BOLL: variants seen among roughly 807,000 people sequenced by gnomAD.
BOLL encodes the protein protein boule-like.
Under a neutral mutation model 44.4 loss-of-function variants are expected in BOLL, and 23 were observed. The observed-to-expected ratio is 0.52, with a 90% CI of 0.37 to 0.73. BOLL has a LOEUF of 0.73. Among genes scored for constraint, BOLL ranks in the 30% least tolerant of loss-of-function variants. The pLI is 0.00. For missense variants in BOLL, 287 were observed against 338.3 expected, an observed-to-expected ratio of 0.85 and a Z score of 1.19; for synonymous variants, 97 against 110.8, an observed-to-expected ratio of 0.88 and a Z score of 0.78.
intron 10 of BOLL, among the ~76,000 whole-genome samples, chr2:197,732,221 A>G (rs1239440172): frequency 6.6e-6 from 1 of 152,048 alleles, no homozygotes; most frequent in Admixed American, 6.5e-5. Context: ...AGAAATGGAT[A>G]AATTTCTCGA....
chr2:197,773,674 A>G (rs1267006795), intron 5 of BOLL, among the ~76,000 whole-genome samples: 5 of 152,004 alleles, frequency 3.3e-5, no homozygotes, highest in African/African-American at 1.2e-4. Flanking sequence ...TTAGATTCTG[A>G]GAACAGGAGT....
intron 10 of BOLL, among the ~76,000 whole-genome samples, chr2:197,740,961 A>C (rs932666169): frequency 2.0e-5 from 3 of 152,084 alleles, no homozygotes; most frequent in Non-Finnish European, 4.4e-5. Context: ...CTTGGCAATG[A>C]GGGCTCTTTT....
intron 9 of BOLL, among the ~76,000 whole-genome samples, chr2:197,752,235 G>A (rs958762444): frequency 2.0e-5 from 3 of 151,840 alleles, no homozygotes; most frequent in South Asian, 2.1e-4. Context: ...CTTGAAAACC[G>A]GCACAAGACA....
chr2:197,753,962 A>T (rs939942003), intron 9 of BOLL, among the ~76,000 whole-genome samples: 1 of 152,234 alleles, frequency 6.6e-6, no homozygotes, highest in Non-Finnish European at 1.5e-5. Context: ...AGCCATAAAA[A>T]AGAATGAGTT....
chr2:197,744,198 C>T (rs1687892780), intron 9 of BOLL, among the ~76,000 whole-genome samples: 1 of 152,202 alleles, frequency 6.6e-6, no homozygotes, highest in African/African-American at 2.4e-5. Context: ...ATTTCAAGTG[C>T]TCAACTGCCA....
chr2:197,752,647 T>C (rs1229686437), intron 9 of BOLL, among the ~76,000 whole-genome samples: 2 of 152,076 alleles, frequency 1.3e-5, no homozygotes, highest in Non-Finnish European at 2.9e-5. Context: ...CTCAAGGAAA[T>C]ATGAGAGGAC....
intron 9 of BOLL, among the ~76,000 whole-genome samples, chr2:197,750,779 G>A (rs1688207041): frequency 6.6e-6 from 1 of 152,134 alleles, no homozygotes; most frequent in Non-Finnish European, 1.5e-5. Context: ...CTTAAACTCA[G>A]CTCTGGAGCA....
chr2:197,730,822 A>G (rs1406458457), intron 10 of BOLL, among the ~76,000 whole-genome samples: 7 of 152,330 alleles, frequency 4.6e-5, no homozygotes, highest in Admixed American at 1.3e-4. Flanking sequence ...AGCACTAAAC[A>G]TGGAAAGGAA....
chr2:197,735,207 C>T (rs1339922507), intron 10 of BOLL, among the ~76,000 whole-genome samples: 1 of 152,018 alleles, frequency 6.6e-6, no homozygotes, highest in East Asian at 1.9e-4. Context: ...TCCTGCCATT[C>T]TGAAATTTCA....
intron 10 of BOLL, among the ~76,000 whole-genome samples, chr2:197,731,685 G>A (rs1223325427): frequency 1.3e-5 from 2 of 151,758 alleles, no homozygotes; most frequent in Admixed American, 6.6e-5. Context: ...CAAATACATG[G>A]AAACTGAACA....
At chr2:197,763,490 A>AC (rs1489678717) in intron 7 of BOLL, among the ~76,000 whole-genome samples, 1 of 151,432 alleles carries the variant, frequency 6.6e-6, no homozygotes, top group East Asian at 1.9e-4. Flanking sequence ...AAAAAAAAAA[A>AC]AAAAAAAGAA....
chr2:197,728,909 G>A (rs190628666), intron 10 of BOLL, among the ~76,000 whole-genome samples: 2 of 152,210 alleles, frequency 1.3e-5, no homozygotes, highest in Non-Finnish European at 2.9e-5. Context: ...TTAAAAACTT[G>A]TTTTTAAAAG....
intron 7 of BOLL, among the ~76,000 whole-genome samples, chr2:197,761,429 T>C (rs1313374195): frequency 6.6e-6 from 1 of 151,842 alleles, no homozygotes; most frequent in Non-Finnish European, 1.5e-5. Context: ...TGCAAAACTA[T>C]AAAATTCACT....
intron 9 of BOLL, among the ~76,000 whole-genome samples, chr2:197,745,194 G>A (rs1439290951): frequency 6.6e-6 from 1 of 151,846 alleles, no homozygotes; most frequent in African/African-American, 2.4e-5. Context: ...GCTTGGCAAA[G>A]GTTTAAAATA....
rs528847848 is a variant in BOLL at position 197,769,310 on chromosome 2, A to G, written c.480+2545T>C. Among the ~76,000 whole-genome samples the G allele has an allele frequency of 3.3e-5, 5 of 152,150 alleles. No homozygotes were observed. In the East Asian group the frequency reaches 9.6e-4, roughly 29 times the overall value. Reference sequence around the variant, plus strand: ...TGGTCCTGGAATTTTTTTATTTGGTAGTCTATTAATGATTGCCTCAATTTC... The same window carrying G: ...TGGTCCTGGAATTTTTTTATTTGGTGGTCTATTAATGATTGCCTCAATTTC... On this transcript the variant is annotated intron_variant, in intron 6 of 10. Coordinates refer to ENST00000392296, the MANE Select transcript of BOLL (RefSeq NM_033030.6).
At chr2:197,729,420 G>A (rs1170024406) in intron 10 of BOLL, among the ~76,000 whole-genome samples, 1 of 152,186 alleles carries the variant, frequency 6.6e-6, no homozygotes, top group Non-Finnish European at 1.5e-5. Context: ...GCTTGATTAG[G>A]TAAACAAAGC....
intron 7 of BOLL, chr2:197,759,049 C>T: frequency 6.9e-7 from 1 of 1,456,512 alleles, no homozygotes; most frequent in Non-Finnish European, 9.3e-7. Context: ...AGATGGCTGA[C>T]CAGAGATGCC....
intron 6 of BOLL, among the ~76,000 whole-genome samples, chr2:197,770,982 G>C (rs1689225094): frequency 6.6e-6 from 1 of 152,068 alleles, no homozygotes; most frequent in Admixed American, 6.6e-5. Context: ...ATTTGACCCA[G>C]CCATCCCATT....
intron 2 of BOLL, among the ~76,000 whole-genome samples, chr2:197,780,708 C>A (rs899914083): frequency 2.6e-5 from 4 of 151,878 alleles, no homozygotes; most frequent in African/African-American, 9.6e-5. Flanking sequence ...GAAATTCCAC[C>A]CAAATTGTAA....
Sources: gnomAD v4.1 joint callset for allele counts (sites outside exome capture counted in the v4.1 genomes callset) on GRCh38, gnomAD v4.1.1 for gene constraint, MANE v1.5 for transcripts, NCBI Gene and HGNC (gene_info 2026-07-23, HGNC 2026-07-21) for gene names.